Variants in KIAA0825 observed in about 807,000 individuals in gnomAD.
The protein encoded by KIAA0825 is KIAA0825, also known as uncharacterized protein KIAA0825.
KIAA0825 carries 119 observed loss-of-function variants against 147.6 expected under a neutral mutation model. That is an observed-to-expected ratio of 0.81 (90% CI 0.69 to 0.94). The LOEUF (loss-of-function observed/expected upper bound fraction) is 0.94, where lower values mean the gene tolerates loss of function less well. KIAA0825 is among the 40% of genes least tolerant of loss of function. The probability of loss-of-function intolerance (pLI) is 0.00; values close to 1 mark genes in which losing one functional copy is unlikely to be tolerated. For missense variants in KIAA0825, 1,381 were observed against 1,472.7 expected (o/e 0.94, Z 1.02); for synonymous variants, 470 against 518.1 (o/e 0.91, Z 1.26).
chr5:94,453,049 T>G lies in KIAA0825; in HGVS notation c.2267A>C (p.Asp756Ala), dbSNP rs1562511526. The G allele has an allele frequency of 2.0e-6, 3 of 1,522,600 alleles. No individual in the cohort carries two copies. Among genetic ancestry groups the G allele is most frequent in the Non-Finnish European group, 8.8e-7 (1 of 1,135,956 alleles). 94.3% of individuals were successfully genotyped at this position (1,522,600 alleles called of 1,614,324 possible). A position where few individuals can be genotyped will look rare whatever the true frequency, so the allele number is the denominator to read the frequency against. Residue 756 changes from aspartate to alanine, a missense_variant, in exon 13 of 21, where the codon GAT becomes GCT. Physicochemically the swap from Asp to Ala is moderately radical, Grantham distance 126. Coordinates refer to ENST00000682413, the MANE Select transcript of KIAA0825 (RefSeq NM_001145678.3). Reference protein sequence around the residue: ...ELYKTFQHGLDESASDSLKSF... With the variant: ...ELYKTFQHGLAESASDSLKSF... ...TTTTAAGGAATCTGAAGCAGACTCA[T>G]CCAGGCCATGCTGAAAAGTCCTAGG... is the stretch of plus-strand genomic sequence containing the variant.
intron 14 of KIAA0825, among the ~76,000 whole-genome samples, chr5:94,433,016 GATTC>G (rs1414061230): frequency 1.3e-5 from 2 of 152,022 alleles, no homozygotes; most frequent in Non-Finnish European, 2.9e-5. Flanking sequence ...ATTTTAAGTT[GATTC>G]ATTCATTTTA....
chr5:94,466,899 G>C (rs746688660), intron 10 of KIAA0825, among the ~76,000 whole-genome samples: 1 of 152,030 alleles, frequency 6.6e-6, no homozygotes, highest in Non-Finnish European at 1.5e-5. Context: ...CCTTTGTGTT[G>C]CATATAAATT....
At chr5:94,289,026 T>C (rs1443966483) in intron 20 of KIAA0825, among the ~76,000 whole-genome samples, 1 of 152,208 alleles carries the variant, frequency 6.6e-6, no homozygotes, top group Non-Finnish European at 1.5e-5. Context: ...ACTTCTGTTG[T>C]TGCCGATGGA....
Position 94,403,592 on chromosome 5 carries a change from G to C in KIAA0825, c.2864C>G (p.Thr955Ser), listed in dbSNP as rs1751673060. ...PKEWNYSPKETNRKESCKSFT... is the reference protein window; with the variant it reads ...PKEWNYSPKESNRKESCKSFT... ...ACTTTTGCATGATTCTTTCCTGTTA[G>C]TTTCTTTTGGACTATAATTCCATTC... Residue 955 changes from threonine to serine, a missense_variant, in exon 16 of 21, where the codon ACT (threonine) becomes AGT (serine). Coordinates refer to ENST00000682413, the MANE Select transcript of KIAA0825 (RefSeq NM_001145678.3). The C allele has an allele frequency of 6.4e-7, 1 of 1,551,226 alleles. No individual in the cohort carries two copies.
chr5:94,256,123 G>A (rs532230026), intron 20 of KIAA0825, among the ~76,000 whole-genome samples: 13 of 152,196 alleles, frequency 8.5e-5, no homozygotes, highest in African/African-American at 3.1e-4. Flanking sequence ...GACCATTGGG[G>A]TTGCTCTGTA....
In KIAA0825 at chr5:94,440,094, G is replaced by A. The variant is rs1383329176; in HGVS notation, c.2385C>T (p.Ala795=). 5.2e-6 allele frequency: 8 copies of A among 1,551,236 alleles called. No homozygotes were observed. Among genetic ancestry groups the A allele is most frequent in the South Asian group, 2.4e-5 (2 of 84,038 alleles). ...ATAAGAGCAGTTTCAACTGACCCTC[G>A]GCTTTCAGTCCTCCAGCTGATGGAG... ...LRTPSAGGLK[A]EGQLKLLLSQ... The change falls in exon 14 of 21, where the codon GCC becomes GCT. Residue 795 remains alanine (A), a synonymous_variant. Coordinates refer to ENST00000682413, the MANE Select transcript of KIAA0825 (RefSeq NM_001145678.3).
chr5:94,535,250 C>A (rs1256261438), intron 3 of KIAA0825, among the ~76,000 whole-genome samples: 2 of 152,022 alleles, frequency 1.3e-5, no homozygotes, highest in Non-Finnish European at 2.9e-5. Context: ...TGGCTCACGC[C>A]TATAATCCCA....
chr5:94,316,908 C>T (rs1422145969), intron 20 of KIAA0825, among the ~76,000 whole-genome samples: 1 of 151,790 alleles, frequency 6.6e-6, no homozygotes, highest in African/African-American at 2.4e-5. Context: ...GTTATACATC[C>T]TTTCAGACCT....
chr5:94,374,385 T>C (rs1747204676), intron 20 of KIAA0825, among the ~76,000 whole-genome samples: 1 of 152,232 alleles, frequency 6.6e-6, no homozygotes, highest in Admixed American at 6.5e-5. Flanking sequence ...ATTTATATTT[T>C]ATTCCTGTTA....
chr5:94,255,706 G>C (rs990667110), intron 20 of KIAA0825, among the ~76,000 whole-genome samples: 7 of 89,588 alleles, frequency 7.8e-5, no homozygotes, highest in African/African-American at 2.8e-4. Context: ...CAGAATTATG[G>C]CTTTTTTTTT....
chr5:94,405,299 G>A (rs1452892505), intron 15 of KIAA0825, among the ~76,000 whole-genome samples: 1 of 152,136 alleles, frequency 6.6e-6, no homozygotes, highest in Non-Finnish European at 1.5e-5. Context: ...GGAAGAATCA[G>A]AACAAAGGTA....
At chr5:94,564,384 T>TTGTGTG (rs139331057) in intron 2 of KIAA0825, among the ~76,000 whole-genome samples, 6 of 79,202 alleles carry the variant, frequency 7.6e-5, no homozygotes, top group Non-Finnish European at 1.7e-4. Context: ...ATTTTTGAAT[T>TTGTGTG]TGTGTGTGTG....
intron 3 of KIAA0825, among the ~76,000 whole-genome samples, chr5:94,525,075 A>T (rs1194080445): frequency 6.6e-6 from 1 of 151,810 alleles, no homozygotes. Context: ...AACTTCAAGA[A>T]AGCTTTCAAA....
chr5:94,220,220 A>T (rs959669864), intron 20 of KIAA0825, among the ~76,000 whole-genome samples: 9 of 152,180 alleles, frequency 5.9e-5, no homozygotes, highest in Non-Finnish European at 1.2e-4. Context: ...AGTCATCAAT[A>T]TCACTGTCTT....
At chr5:94,313,167 C>T (rs1203506257) in intron 20 of KIAA0825, among the ~76,000 whole-genome samples, 1 of 151,576 alleles carries the variant, frequency 6.6e-6, no homozygotes, top group Non-Finnish European at 1.5e-5. Context: ...TTCATTATAT[C>T]TTTAAATACT....
At chr5:94,208,763 G>C in intron 20 of KIAA0825, among the ~76,000 whole-genome samples, 1 of 152,336 alleles carries the variant, frequency 6.6e-6, no homozygotes, top group Admixed American at 6.5e-5. Flanking sequence ...GAACGTATTA[G>C]AGTGTTTGTG....
In KIAA0825 at chr5:94,488,773, G is replaced by A. The variant is rs192304527; in HGVS notation, c.971-3843C>T. On this transcript the variant is annotated intron_variant, in intron 5 of 20. Coordinates refer to ENST00000682413, the MANE Select transcript of KIAA0825 (RefSeq NM_001145678.3). ...TTAGATTATACGAAAAGGGTTCTAC[G>A]ACCAAATAAGCTTGGGAAATACTAC... Among the ~76,000 whole-genome samples the A allele has an allele frequency of 7.0e-4, 106 of 152,208 alleles. 3 individuals carry two copies. Among genetic ancestry groups the A allele is most frequent in the Middle Eastern group, 6.8e-3 (2 of 294 alleles).
At chr5:94,539,825 T>C (rs1584825439) in intron 2 of KIAA0825, among the ~76,000 whole-genome samples, 1 of 152,014 alleles carries the variant, frequency 6.6e-6, no homozygotes, top group Admixed American at 6.6e-5. Flanking sequence ...CTCGGTAAAG[T>C]CCCTTTTGGC....
At chr5:94,549,638 A>T (rs1041168193) in intron 2 of KIAA0825, among the ~76,000 whole-genome samples, 6 of 152,098 alleles carry the variant, frequency 3.9e-5, no homozygotes, top group Non-Finnish European at 8.8e-5. Flanking sequence ...GCTTGAACCC[A>T]GGAGGCAGAG....
Sources: allele counts gnomAD v4.1 joint callset (sites outside exome capture counted in the v4.1 genomes callset), GRCh38; gene constraint gnomAD v4.1.1; transcripts MANE v1.5; gene names NCBI Gene and HGNC (gene_info 2026-07-23, HGNC 2026-07-21).